Variants in C6 observed in about 807,000 individuals in gnomAD.
The protein encoded by C6 is complement C6.
In C6, 101 loss-of-function variants were observed where a neutral mutation model predicts 112.9. That is an observed-to-expected ratio of 0.89 (90% CI 0.76 to 1.06). C6 has a LOEUF of 1.06. C6 is among the 50% of genes least tolerant of loss of function. The probability of loss-of-function intolerance (pLI) is 0.00; values close to 1 mark genes in which losing one functional copy is unlikely to be tolerated. For synonymous variants in C6, 431 were observed against 384.1 expected (o/e 1.12, Z -1.43); for missense variants, 1,202 against 1,104.6 (o/e 1.09, Z -1.25).
chr5:41,155,126 A>C (rs1746773112), intron 13 of C6, 22 bp from the exon 14 acceptor site: 1 of 1,604,424 alleles, frequency 6.2e-7, no homozygotes, highest in Admixed American at 1.7e-5. Context: ...CAGAAACCAG[A>C]AATTATTAAT....
chr5:41,186,128 C>T lies in C6; in HGVS notation c.668G>A (p.Ser223Asn). The T allele has an allele frequency of 6.2e-7, 1 of 1,613,976 alleles. No homozygotes were observed. Among genetic ancestry groups the T allele is most frequent in the African/African-American group, 1.3e-5 (1 of 75,050 alleles). ...FTGGICKTVKSSRTSNPYRVP... is the reference protein window; with the variant it reads ...FTGGICKTVKNSRTSNPYRVP... ...ACGGTATGGATTACTTGTCCTACTGCTTTTGACAGTTTTACATATTCCTCC... is the reference window on the plus strand; with the variant it reads ...ACGGTATGGATTACTTGTCCTACTGTTTTTGACAGTTTTACATATTCCTCC... Residue 223 changes from serine (S) to asparagine (N), a missense_variant, in exon 6 of 18, where the codon AGC becomes AAC. Physicochemically the swap from Ser to Asn is conservative, Grantham distance 46 (BLOSUM62 1). Coordinates refer to ENST00000337836, the MANE Select transcript of C6 (RefSeq NM_000065.5).
intron 1 of C6, among the ~76,000 whole-genome samples, chr5:41,222,348 T>C (rs1370957488): frequency 6.6e-6 from 1 of 152,028 alleles, no homozygotes; most frequent in African/African-American, 2.4e-5. Flanking sequence ...TATATGCTAA[T>C]AGCTTTTTAA....
At chr5:41,207,809 G>T (rs1019483335) in intron 1 of C6, among the ~76,000 whole-genome samples, 1 of 152,140 alleles carries the variant, frequency 6.6e-6, no homozygotes, top group Non-Finnish European at 1.5e-5. Context: ...GTCAACATGA[G>T]ACAGATCAAC....
At chr5:41,169,992 T>C (rs1043063698) in intron 9 of C6, among the ~76,000 whole-genome samples, 2 of 152,132 alleles carry the variant, frequency 1.3e-5, no homozygotes, top group Non-Finnish European at 2.9e-5. Context: ...GTAGTTTTTT[T>C]CCAGTAGGAC....
chr5:41,218,453 AAAAT>A (rs1738949372), upstream of C6, among the ~76,000 whole-genome samples: 1 of 152,226 alleles, frequency 6.6e-6, no homozygotes, highest in Non-Finnish European at 1.5e-5. Context: ...GAGAGAAAAC[AAAAT>A]AAATAAATGA....
rs115261282 is a variant in C6 at position 41,220,393 on chromosome 5, G to T, written c.-20-17143C>A. Among the ~76,000 whole-genome samples, 1,493 of 152,206 alleles carry T rather than the reference G, an allele frequency of 9.8e-3. 32 individuals are homozygous for T. The highest frequency in any genetic ancestry group is 0.034 in the African/African-American group (1,416 of 41,526). On this transcript the variant is annotated intron_variant, in intron 1 of 17. Transcript: ENST00000263413. ...GGAATTTGAGGTCTTCTGCTCTCTG[G>T]TGGAACTTGTTTTACCTTGTTCTTT...
upstream of C6, chr5:41,213,572 A>G: frequency 3.0e-6 from 3 of 985,256 alleles, no homozygotes; most frequent in Non-Finnish European, 3.6e-6. Context: ...TGTTCTCTGG[A>G]ACTTGAACTT....
intron 17 of C6, among the ~76,000 whole-genome samples, chr5:41,145,380 C>G (rs1020415389): frequency 6.6e-6 from 1 of 152,204 alleles, no homozygotes; most frequent in Non-Finnish European, 1.5e-5. Context: ...CAACTCTTAA[C>G]AAGGCGCTCA....
intron 1 of C6, among the ~76,000 whole-genome samples, chr5:41,245,777 G>T (rs1170670885): frequency 6.6e-6 from 1 of 152,028 alleles, no homozygotes; most frequent in African/African-American, 2.4e-5. Flanking sequence ...TGGAAACCTG[G>T]AGTAAACCCA....
chr5:41,241,882 T>C (rs1295354471), intron 1 of C6, among the ~76,000 whole-genome samples: 1 of 152,184 alleles, frequency 6.6e-6, no homozygotes, highest in Non-Finnish European at 1.5e-5. Flanking sequence ...AAAAGACAGC[T>C]GGTGGACCAG....
chr5:41,161,353 G>C (rs958869634), intron 10 of C6, among the ~76,000 whole-genome samples: 20 of 152,180 alleles, frequency 1.3e-4, no homozygotes, highest in African/African-American at 4.6e-4. Flanking sequence ...CAAATAAGGA[G>C]TTGCAAGAAG....
chr5:41,203,399 A>C, intron 1 of C6, 149 bp from the exon 2 acceptor site: 2 of 734,150 alleles, frequency 2.7e-6, no homozygotes, highest in African/African-American at 1.7e-5. Flanking sequence ...ACAAATTCAC[A>C]TGCTCGTGAG....
intron 1 of C6, among the ~76,000 whole-genome samples, chr5:41,207,125 T>G (rs2150379427): frequency 6.6e-6 from 1 of 152,296 alleles, no homozygotes; most frequent in Middle Eastern, 3.4e-3. Context: ...CCAGCCAAAC[T>G]AAGCTTCATA....
chr5:41,176,916 G>T (rs1748906037), intron 7 of C6, among the ~76,000 whole-genome samples: 2 of 76,984 alleles, frequency 2.6e-5, no homozygotes, highest in South Asian at 3.7e-4. Flanking sequence ...TGCAAAACAG[G>T]TAAGATTATC....
chr5:41,201,748 G>C (rs1384863745), intron 2 of C6, 34 bp from the exon 3 acceptor site: 1 of 1,564,900 alleles, frequency 6.4e-7, no homozygotes. Context: ...CTTAGAATGA[G>C]TGTATTCACC....
intron 1 of C6, among the ~76,000 whole-genome samples, chr5:41,205,720 G>C (rs1273583481): frequency 6.6e-6 from 1 of 152,186 alleles, no homozygotes; most frequent in Non-Finnish European, 1.5e-5. Context: ...AAAGCAGCTG[G>C]GAATCTCGAA....
At position 41,155,001 on chromosome 5, in the gene C6, G is replaced by A. The variant is rs150759810; in HGVS notation, c.2072C>T (p.Thr691Ile). Residue 691 changes from threonine (T) to isoleucine (I), a missense_variant, in exon 14 of 18, where the codon ACC (threonine) becomes ATC (isoleucine). Thr to Ile is a moderately conservative substitution (Grantham distance 89, BLOSUM62 -1). Transcript: ENST00000337836. ...GCATTCCACATCCCCTTGTCTCCAG[G>A]TCCCGTCTGGTAAGCATCTGAAGTA... ...YQYFRCLPDG[T>I]WRQGDVECQR... 4.5e-5 allele frequency: 72 copies of A among 1,613,586 alleles called. No homozygotes were observed. The African/African-American group carries it at 8.1e-4, about 18-fold the overall frequency.
At chr5:41,201,477 T>C in intron 3 of C6, 81 bp downstream of exon 3, 3 of 1,333,162 alleles carry the variant, frequency 2.3e-6, no homozygotes, top group Non-Finnish European at 3.2e-6. Flanking sequence ...TAATTCAGCA[T>C]TACTATGCTG....
intron 1 of C6, among the ~76,000 whole-genome samples, chr5:41,231,533 C>T (rs1010236767): frequency 1.3e-5 from 2 of 152,094 alleles, no homozygotes; most frequent in Non-Finnish European, 2.9e-5. Context: ...AATCATAATA[C>T]ATGTAATATC....
Sources: gnomAD v4.1 joint callset for allele counts (sites outside exome capture counted in the v4.1 genomes callset) on GRCh38, gnomAD v4.1.1 for gene constraint, MANE v1.5 for transcripts, NCBI Gene and HGNC (gene_info 2026-07-23, HGNC 2026-07-21) for gene names.